Variants in LRRTM4 observed in about 807,000 individuals in gnomAD.
LRRTM4 encodes the protein leucine-rich repeat transmembrane neuronal protein 4.
Under a neutral mutation model 47.6 loss-of-function variants are expected in LRRTM4, and 25 were observed. That is an observed-to-expected ratio of 0.53 (90% confidence interval 0.38 to 0.73). LRRTM4 has a LOEUF of 0.73. LRRTM4 is among the 30% of genes least tolerant of loss of function. LRRTM4 has a pLI of 0.00. For missense variants in LRRTM4, 638 were observed against 713.4 expected (o/e 0.89, Z 1.20); for synonymous variants, 311 against 269.5 (o/e 1.15, Z -1.51).
At chr2:76,847,898 C>T (rs1174504208) in intron 3 of LRRTM4, among the ~76,000 whole-genome samples, 1 of 151,956 alleles carries the variant, frequency 6.6e-6, no homozygotes, top group African/African-American at 2.4e-5. Flanking sequence ...GTGAGATTTG[C>T]CTATCATTCA....
At chr2:77,052,150 CTTTTTTTTTTTTTTT>C (rs70939841) in intron 3 of LRRTM4, among the ~76,000 whole-genome samples, 2 of 63,598 alleles carry the variant, frequency 3.1e-5, no homozygotes, top group African/African-American at 1.4e-4. Context: ...GTTACATTTC[CTTTTTTTTTTTTTTT>C]TTTTTTTTGA....
At chr2:77,188,604 A>T (rs112207684) in intron 3 of LRRTM4, among the ~76,000 whole-genome samples, 1 of 152,074 alleles carries the variant, frequency 6.6e-6, no homozygotes, top group African/African-American at 2.4e-5. Flanking sequence ...TCCACACCCA[A>T]ATATGATCCA....
intron 3 of LRRTM4, among the ~76,000 whole-genome samples, chr2:77,067,422 T>C (rs751055522): frequency 7.2e-5 from 11 of 151,920 alleles, no homozygotes; most frequent in South Asian, 6.3e-4. Flanking sequence ...ATTAGGATCA[T>C]TGGGCACCTA....
intron 3 of LRRTM4, among the ~76,000 whole-genome samples, chr2:76,790,477 C>G (rs1232078763): frequency 6.6e-6 from 1 of 152,160 alleles, no homozygotes; most frequent in African/African-American, 2.4e-5. Context: ...GGGCCAGCCT[C>G]AGTTTCTTCC....
At chr2:77,381,635 C>G (rs1293394852) in intron 3 of LRRTM4, among the ~76,000 whole-genome samples, 1 of 151,742 alleles carries the variant, frequency 6.6e-6, no homozygotes, top group Non-Finnish European at 1.5e-5. Flanking sequence ...GTATTAATAC[C>G]TACTATAGAT....
intron 3 of LRRTM4, among the ~76,000 whole-genome samples, chr2:77,392,550 A>G (rs539747368): frequency 6.6e-6 from 1 of 152,236 alleles, no homozygotes; most frequent in Admixed American, 6.6e-5. Context: ...GCCAGACAGA[A>G]GTAAATCCGG....
At chr2:76,925,614 T>G (rs573456328) in intron 3 of LRRTM4, among the ~76,000 whole-genome samples, 2 of 152,166 alleles carry the variant, frequency 1.3e-5, no homozygotes, top group Non-Finnish European at 2.9e-5. Context: ...ATTTCCATTT[T>G]TGGTCATATT....
At chr2:76,931,083 G>A (rs990991528) in intron 3 of LRRTM4, among the ~76,000 whole-genome samples, 3 of 151,784 alleles carry the variant, frequency 2.0e-5, no homozygotes, top group Admixed American at 6.6e-5. Context: ...ACCTATGCAA[G>A]CAAAAGGCCA....
chr2:76,832,290 A>T (rs1671375633), intron 3 of LRRTM4, among the ~76,000 whole-genome samples: 1 of 152,030 alleles, frequency 6.6e-6, no homozygotes. Context: ...TGTTGAATAT[A>T]AAGCAGGTGC....
At chr2:77,351,270 G>C (rs953345471) in intron 3 of LRRTM4, among the ~76,000 whole-genome samples, 5 of 148,490 alleles carry the variant, frequency 3.4e-5, no homozygotes, top group East Asian at 3.9e-4. Context: ...GTGAAATAAA[G>C]TAGGAAAAAA....
rs1323782398 is a variant in LRRTM4 at position 76,949,387 on chromosome 2, A to G, written c.1552-200471T>C. ...ATGGAATTCACAATAAAGGAGATGC[A>G]GAGCAATACAGAGCTCAATATAATG... On this transcript the variant is annotated intron_variant, in intron 3 of 3. Coordinates refer to ENST00000409884, the MANE Select transcript of LRRTM4 (RefSeq NM_001134745.3). 2.6e-5 allele frequency among the ~76,000 whole-genome samples: 4 copies of G among 151,972 alleles called. No individual in the cohort carries two copies. The East Asian group carries it at 5.8e-4, about 22-fold the overall frequency.
At chr2:76,967,013 C>A (rs1259122247) in intron 3 of LRRTM4, among the ~76,000 whole-genome samples, 1 of 151,458 alleles carries the variant, frequency 6.6e-6, no homozygotes, top group African/African-American at 2.4e-5. Context: ...TGCCAAATCA[C>A]CTATCAAATA....
intron 3 of LRRTM4, among the ~76,000 whole-genome samples, chr2:77,326,009 C>G (rs555228319): frequency 6.6e-6 from 1 of 152,306 alleles, no homozygotes; most frequent in South Asian, 2.1e-4. Context: ...CCTTTCCTCA[C>G]TCTGCTCCCC....
intron 3 of LRRTM4, among the ~76,000 whole-genome samples, chr2:76,852,411 G>A (rs1672024833): frequency 6.6e-6 from 1 of 152,116 alleles, no homozygotes; most frequent in Non-Finnish European, 1.5e-5. Flanking sequence ...GTAGGCTTAT[G>A]TGAAGATCCA....
At chr2:77,502,053 T>C (rs1210525995) in intron 3 of LRRTM4, among the ~76,000 whole-genome samples, 1 of 151,436 alleles carries the variant, frequency 6.6e-6, no homozygotes, top group East Asian at 1.9e-4. Context: ...TAAATTTGCT[T>C]ATCCTGAAAA....
intron 3 of LRRTM4, among the ~76,000 whole-genome samples, chr2:76,930,462 G>T (rs1333603288): frequency 1.3e-5 from 2 of 152,128 alleles, no homozygotes; most frequent in South Asian, 2.1e-4. Flanking sequence ...TGGCTCTTTT[G>T]ATGTAAGTAC....
At chr2:77,092,057 C>T (rs1349185408) in intron 3 of LRRTM4, among the ~76,000 whole-genome samples, 2 of 152,076 alleles carry the variant, frequency 1.3e-5, no homozygotes, top group African/African-American at 4.8e-5. Context: ...CTTTTAAAGG[C>T]CCTCAAAATC....
chr2:76,811,263 T>C lies in LRRTM4; in HGVS notation c.1552-62347A>G, dbSNP rs575557850. Among the ~76,000 whole-genome samples, 16 of 152,310 alleles carry C rather than the reference T, an allele frequency of 1.1e-4. No homozygotes were observed. In the East Asian group the frequency reaches 3.1e-3, roughly 29 times the overall value. On this transcript the variant is annotated intron_variant, in intron 3 of 3. Coordinates refer to ENST00000409884, the MANE Select transcript of LRRTM4 (RefSeq NM_001134745.3). The stretch of plus-strand genomic sequence containing the variant: ...AATATGTTTTCAAGAGTGCATGAAT[T>C]AATCTTAGCAGAGAAAAAATAAACA...
intron 3 of LRRTM4, among the ~76,000 whole-genome samples, chr2:77,366,880 C>T (rs1461467021): frequency 6.6e-6 from 1 of 151,650 alleles, no homozygotes; most frequent in Non-Finnish European, 1.5e-5. Context: ...GTCGTTTAGC[C>T]CCCCATCTGT....
Sources: gnomAD v4.1 joint callset for allele counts (sites outside exome capture counted in the v4.1 genomes callset) on GRCh38, gnomAD v4.1.1 for gene constraint, MANE v1.5 for transcripts, NCBI Gene and HGNC (gene_info 2026-07-23, HGNC 2026-07-21) for gene names.